Variants in CHRM4 observed in about 807,000 individuals in gnomAD.
CHRM4 encodes muscarinic acetylcholine receptor M4.
Under a neutral mutation model 26.3 loss-of-function variants are expected in CHRM4, and 5 were observed. That is an observed-to-expected ratio of 0.19 (90% CI 0.10 to 0.40). The LOEUF (loss-of-function observed/expected upper bound fraction) is 0.40. Ranked by LOEUF, CHRM4 falls within the 10% of genes least tolerant of loss-of-function variation. The probability of loss-of-function intolerance (pLI) is 1.00; values close to 1 mark genes in which losing one functional copy is unlikely to be tolerated. For synonymous variants in CHRM4, 290 were observed against 285.3 expected (o/e 1.02, Z -0.16); for missense variants, 402 against 664.5 (o/e 0.60, Z 4.34).
intron 1 of CHRM4, among the ~76,000 whole-genome samples, chr11:46,389,406 G>A (rs943819120): frequency 6.6e-6 from 1 of 152,234 alleles, no homozygotes; most frequent in South Asian, 2.1e-4. Context: ...GACAGGGCGA[G>A]GCTCAGGGTC....
chr11:46,385,707 G>C lies in CHRM4; in HGVS notation c.851C>G (p.Pro284Arg). 1 of 1,562,508 alleles carries C rather than the reference G, an allele frequency of 6.4e-7. No individual in the cohort carries two copies. Among genetic ancestry groups the C allele is most frequent in the African/African-American group, 1.4e-5 (1 of 73,258 alleles). Residue 284 changes from proline to arginine, a missense_variant, in exon 2 of 2, where the codon CCG (proline) becomes CGG (arginine). Transcript: ENST00000682254. This position sits in a 1 kb window ranked among gnomAD's most constrained non-coding sequence, Gnocchi z 6.3. ...EAPPPALPPP[P>R]RPVADKDTSN... is the part of the protein sequence containing the mutation. ...AGTGTCCTTATCAGCCACGGGGCGC[G>C]GTGGCGGTGGCAGCGCTGGCGGGGG...
At position 46,386,647 on chromosome 11, in the gene CHRM4, G is replaced by T; in HGVS notation, c.-29-61C>A. The T allele has an allele frequency of 6.7e-7, 1 of 1,482,882 alleles. No individual in the cohort carries two copies. The highest frequency in any genetic ancestry group is 9.2e-7 in the Non-Finnish European group (1 of 1,086,236). The allele number at this position is 1,482,882 out of a possible 1,614,324, so 91.9% of individuals were successfully genotyped here. On this transcript the variant is annotated intron_variant, in intron 1 of 1. Coordinates refer to ENST00000682254, the MANE Select transcript of CHRM4 (RefSeq NM_000741.5). The surrounding 1 kb of genome is among the most constrained non-coding windows in gnomAD (Gnocchi z 5.8). ...GGAGGGAATGGGGGAGTCATCTGGA[G>T]GTACACTGGATTCAAGGTGACAGAG...
At chr11:46,387,089 G>A (rs997020981) in intron 1 of CHRM4, among the ~76,000 whole-genome samples, 3 of 152,188 alleles carry the variant, frequency 2.0e-5, no homozygotes, top group Admixed American at 1.3e-4. Flanking sequence ...AAGAGGAGGA[G>A]GAGAGTGGTC....
Position 46,385,622 on chromosome 11 carries a change from C to T in CHRM4, c.936G>A (p.Glu312=), listed in dbSNP as rs1178570777. 1 of 1,538,154 alleles carries T rather than the reference C, an allele frequency of 6.5e-7. No individual in the cohort carries two copies. The highest frequency in any genetic ancestry group is 2.3e-5 in the East Asian group (1 of 44,218). ...GCGTGGTGGCCTCTGTGGTGGACAG[C>T]TCTGTGGCTGGGCGTTCCTTGGTGT... ...TQNTKERPAT[E]LSTTEATTPA... is the part of the protein sequence containing the mutation. The change falls in exon 2 of 2, where the codon GAG becomes GAA. Residue 312 remains glutamate, a synonymous_variant. Transcript: ENST00000682254. The surrounding 1 kb of genome is among the most constrained non-coding windows in gnomAD (Gnocchi z 6.3).
chr11:46,389,789 C>T (rs1247578557), intron 1 of CHRM4, among the ~76,000 whole-genome samples: 2 of 152,220 alleles, frequency 1.3e-5, no homozygotes, highest in African/African-American at 4.8e-5. Flanking sequence ...TGAGGGAGCC[C>T]GGATTCCACC....
chr11:46,385,826 G>C lies in CHRM4; in HGVS notation c.732C>G (p.Phe244Leu). ...TCTGCTTCATTAGTGGGCTCTTGAG[G>C]AAGGCCAGCGTCTTGGCTTTCTTCT... is the stretch of plus-strand genomic sequence containing the variant. ...PKEKKAKTLA[F>L]LKSPLMKQSV... The change falls in exon 2 of 2, where the codon TTC becomes TTG. Residue 244 changes from phenylalanine to leucine, a missense_variant. Physicochemically the swap from Phe to Leu is conservative, Grantham distance 22 (BLOSUM62 0). Around this residue, in one of 5 missense-constraint regions of CHRM4, gnomAD observed 205 missense variants for 244.0 expected, o/e 0.84. Coordinates refer to ENST00000682254, the MANE Select transcript of CHRM4 (RefSeq NM_000741.5). The surrounding 1 kb of genome is among the most constrained non-coding windows in gnomAD (Gnocchi z 6.3). 8 of 1,601,104 alleles carry C rather than the reference G, an allele frequency of 5.0e-6. No homozygotes were observed. Among genetic ancestry groups the C allele is most frequent in the Non-Finnish European group, 6.8e-6 (8 of 1,173,808 alleles).
Position 46,386,600 on chromosome 11 carries a change from G to A in CHRM4, c.-29-14C>T. The A allele has an allele frequency of 1.9e-6, 3 of 1,591,482 alleles. No individual in the cohort carries two copies. Among genetic ancestry groups the A allele is most frequent in the African/African-American group, 1.3e-5 (1 of 74,736 alleles). On this transcript the variant is annotated splice_polypyrimidine_tract_variant and intron_variant, in intron 1 of 1. Coordinates refer to ENST00000682254, the MANE Select transcript of CHRM4 (RefSeq NM_000741.5). This position sits in a 1 kb window ranked among gnomAD's most constrained non-coding sequence, Gnocchi z 5.8. The stretch of plus-strand genomic sequence containing the variant: ...GGTAGGCCGTGTCTGGGGAGGAAGG[G>A]GAGAGAAAAGCATGAACTACAGGAG...
intron 1 of CHRM4, among the ~76,000 whole-genome samples, chr11:46,387,958 C>T (rs546523714): frequency 1.3e-3 from 205 of 152,332 alleles, no homozygotes; most frequent in African/African-American, 4.6e-3. Context: ...CTCCGCACAC[C>T]GGGCGGCGCC....
rs566694713 is a variant in CHRM4 at position 46,389,719 on chromosome 11, C to T, written c.-30+1812G>A. On this transcript the variant is annotated intron_variant, in intron 1 of 1. Coordinates refer to ENST00000682254, the MANE Select transcript of CHRM4 (RefSeq NM_000741.5). Reference sequence around the variant, plus strand: ...TGACGCGGGGTCCCCTCGCCAGGCCCCGTCGGACGCCGCCCCAGAGCTGCC... The same window carrying T: ...TGACGCGGGGTCCCCTCGCCAGGCCTCGTCGGACGCCGCCCCAGAGCTGCC... Among the ~76,000 whole-genome samples the T allele has an allele frequency of 1.5e-3, 232 of 152,342 alleles. 1 individual carries two copies. In the South Asian group the frequency reaches 0.016, roughly 10 times the overall value.
Position 46,385,142 on chromosome 11 carries a change from A to T in CHRM4, c.1416T>A (p.Tyr472Ter). ...CCTACCTGGCAGTGCCGATGTTCCG[A>T]TACTGGCACAGCAGCAGGTGCCGGA... ...KTFRHLLLCQ[Y>*]RNIGTAR The change falls in exon 2 of 2, where the codon TAT becomes TAA. Residue 472 changes from tyrosine to a stop codon, truncating the protein, a stop_gained. Transcript: ENST00000682254. LOFTEE classifies it high-confidence loss of function. The surrounding 1 kb of genome is among the most constrained non-coding windows in gnomAD (Gnocchi z 6.3). The T allele has an allele frequency of 6.2e-7, 1 of 1,611,456 alleles. No individual in the cohort carries two copies. Among genetic ancestry groups the T allele is most frequent in the Non-Finnish European group, 8.5e-7 (1 of 1,177,820 alleles).
intron 1 of CHRM4, among the ~76,000 whole-genome samples, chr11:46,389,565 G>T (rs1403706118): frequency 6.6e-6 from 1 of 152,228 alleles, no homozygotes; most frequent in Non-Finnish European, 1.5e-5. Flanking sequence ...TGTGCGCACC[G>T]CTAGATGGCA....
At position 46,385,021 on chromosome 11, in the gene CHRM4, G is replaced by A; in HGVS notation, c.*97C>T. ...TTCCTCCTCAGCAAACGTGAACGCA[G>A]AATGGTGCCTGCAACTCTTCCCCAC... is the stretch of plus-strand genomic sequence containing the variant. On this transcript the variant is annotated 3_prime_UTR_variant, in exon 2 of 2. Coordinates refer to ENST00000682254, the MANE Select transcript of CHRM4 (RefSeq NM_000741.5). The surrounding 1 kb of genome is among the most constrained non-coding windows in gnomAD (Gnocchi z 6.3). The A allele has an allele frequency of 6.9e-7, 1 of 1,451,916 alleles. No individual in the cohort carries two copies. Among genetic ancestry groups the A allele is most frequent in the Non-Finnish European group, 9.1e-7 (1 of 1,094,114 alleles). The allele number at this position is 1,451,916 out of a possible 1,614,324, so 89.9% of individuals were successfully genotyped here.
Position 46,386,036 on chromosome 11 carries a change from C to G in CHRM4, c.522G>C (p.Val174=), listed in dbSNP as rs764072283. Residue 174 remains valine (V), a synonymous_variant, in exon 2 of 2, where the codon GTG becomes GTC. Transcript: ENST00000682254. The surrounding 1 kb of genome is among the most constrained non-coding windows in gnomAD (Gnocchi z 5.8). ...WAPAILFWQF[V]VGKRTVPDNQ... is the part of the protein sequence containing the mutation. ...TGTCGGGCACCGTCCGCTTACCCAC[C>G]ACAAACTGCCAGAACAAGATGGCAG... 2 of 1,613,320 alleles carry G rather than the reference C, an allele frequency of 1.2e-6. No homozygotes were observed. Among genetic ancestry groups the G allele is most frequent in the Admixed American group, 3.3e-5 (2 of 59,966 alleles).
Position 46,385,190 on chromosome 11 carries a change from GCA to G in CHRM4, c.1366_1367del (p.Cys456GlnfsTer5). ...GGAAGGTCTTTTTAAAGGTGGCGTT[GCA>G]CAGAGCATAGCAGGCAGGGTTGATG... ...STINPACYAL[C>X]NATFKKTFRH... On this transcript the variant is annotated frameshift_variant, in exon 2 of 2. Transcript: ENST00000682254. LOFTEE classifies it high-confidence loss of function. This position sits in a 1 kb window ranked among gnomAD's most constrained non-coding sequence, Gnocchi z 6.3. The G allele has an allele frequency of 6.2e-7, 1 of 1,614,110 alleles. No homozygotes were observed. The highest frequency in any genetic ancestry group is 8.5e-7 in the Non-Finnish European group (1 of 1,179,996).
chr11:46,384,606 G>A lies in CHRM4; in HGVS notation c.*512C>T, dbSNP rs1945313524. On this transcript the variant is annotated 3_prime_UTR_variant, in exon 2 of 2. Coordinates refer to ENST00000682254, the MANE Select transcript of CHRM4 (RefSeq NM_000741.5). ...GAACCTGGCTAAGTAGCTGCAGCCA[G>A]AGGAGATTTCTGCCCCTGGAGTGGG... Among the ~76,000 whole-genome samples, 1 of 150,416 alleles carries A rather than the reference G, an allele frequency of 6.6e-6. No homozygotes were observed. Among genetic ancestry groups the A allele is most frequent in the Admixed American group, 6.6e-5 (1 of 15,154 alleles).
rs866426141 is a variant in CHRM4, at chr11:46,385,923, G to A, written c.635C>T (p.Thr212Met). ...CAGGGAGATGTGGATGTACAGCACC[G>A]TCATGATGACCACAGGCAGGTAGAA... The part of the protein sequence containing the change: ...AAFYLPVVIM[T>M]VLYIHISLAS... Residue 212 changes from threonine to methionine, a missense_variant, in exon 2 of 2, where the codon ACG (threonine) becomes ATG (methionine). Physicochemically the swap from Thr to Met is moderately conservative, Grantham distance 81. This residue lies in a region of CHRM4 where 2 missense variants were observed against 32.0 expected (regional missense o/e 0.06). Transcript: ENST00000682254. The surrounding 1 kb of genome is among the most constrained non-coding windows in gnomAD (Gnocchi z 6.3). 6.2e-6 allele frequency: 10 copies of A among 1,611,914 alleles called. No individual in the cohort carries two copies. Among genetic ancestry groups the A allele is most frequent in the African/African-American group, 4.0e-5 (3 of 74,916 alleles).
intron 1 of CHRM4, among the ~76,000 whole-genome samples, chr11:46,390,652 C>A (rs534979843): frequency 6.6e-6 from 1 of 152,370 alleles, no homozygotes; most frequent in African/African-American, 2.4e-5. Flanking sequence ...CCTCGAGGGC[C>A]GTGTTTTCCT....
chr11:46,385,849 TCTC>T lies in CHRM4; in HGVS notation c.706_708del (p.Glu236del), dbSNP rs1273590724. 2 of 1,605,620 alleles carry T rather than the reference TCTC, an allele frequency of 1.2e-6. No individual in the cohort carries two copies. Among genetic ancestry groups the T allele is most frequent in the East Asian group, 2.2e-5 (1 of 44,528 alleles). On this transcript the variant is annotated inframe_deletion, in exon 2 of 2. Transcript: ENST00000682254. The surrounding 1 kb of genome is among the most constrained non-coding windows in gnomAD (Gnocchi z 6.3). ...AGGAAGGCCAGCGTCTTGGCTTTCT[TCTC>T]CTTCGGGCCCTCGGGCCGGTGCTTG...
In CHRM4 at chr11:46,385,095, C is replaced by T. The variant is rs201311493; in HGVS notation, c.*23G>A. 299 of 1,572,330 alleles carry T rather than the reference C, an allele frequency of 1.9e-4. 2 individuals carry two copies. In the African/African-American group the frequency reaches 3.8e-3, roughly 20 times the overall value. On this transcript the variant is annotated 3_prime_UTR_variant, in exon 2 of 2. Coordinates refer to ENST00000682254, the MANE Select transcript of CHRM4 (RefSeq NM_000741.5). This position sits in a 1 kb window ranked among gnomAD's most constrained non-coding sequence, Gnocchi z 6.3. ...CCAGCACACGCACGCAACACCAGCA[C>T]CTCCTAGGGCACTCCTGCCTGCCTA...
Sources: gnomAD v4.1 joint callset for allele counts (sites outside exome capture counted in the v4.1 genomes callset) on GRCh38, gnomAD v4.1.1 for gene constraint, gnomAD v4.1.1 regional missense constraint, Gnocchi (gnomAD v3.1) non-coding constraint, MANE v1.5 for transcripts, NCBI Gene and HGNC (gene_info 2026-07-23, HGNC 2026-07-21) for gene names.